The following CMSS1 variants were observed in gnomAD, a reference collection of about 807,000 sequenced individuals.
The protein encoded by CMSS1 is cms1 ribosomal small subunit homolog.
A neutral mutation model predicts 43.5 loss-of-function variants in CMSS1; 33 were observed. The ratio of observed to expected loss-of-function variants is 0.76; its 90% CI spans 0.57 to 1.01. CMSS1 has a LOEUF of 1.01. Ranked by LOEUF, CMSS1 falls within the 50% of genes least tolerant of loss-of-function variation. CMSS1 has a pLI of 0.00. For missense variants in CMSS1, 313 were observed against 326.4 expected (o/e 0.96, Z 0.32); for synonymous variants, 115 against 117.2 (o/e 0.98, Z 0.12).
At chr3:100,069,341 GAATA>G (rs1352401865) in intron 1 of CMSS1, among the ~76,000 whole-genome samples, 1 of 151,884 alleles carries the variant, frequency 6.6e-6, no homozygotes, top group Non-Finnish European at 1.5e-5. Context: ...TTAATTTCTT[GAATA>G]AATTACCTAA....
Position 99,843,271 on chromosome 3 carries a change from G to C in CMSS1, c.64+25228G>C, listed in dbSNP as rs144690300. ...AGAGAAACAGACCTTGTAGGTGTCA[G>C]ACAGCCTACTTTAGCTCAGCCAAAG... On this transcript the variant is annotated intron_variant, in intron 1 of 9. Coordinates refer to ENST00000421999, the MANE Select transcript of CMSS1 (RefSeq NM_032359.4). Among the ~76,000 whole-genome samples, 448 of 152,320 alleles carry C rather than the reference G, an allele frequency of 2.9e-3. 1 individual carries two copies. The highest frequency in any genetic ancestry group is 1.0e-2 in the African/African-American group (415 of 41,560).
intron 1 of CMSS1, among the ~76,000 whole-genome samples, chr3:100,084,145 T>C (rs969594200): frequency 6.6e-6 from 1 of 152,192 alleles, no homozygotes. Context: ...TTGCTGCATG[T>C]CTAGACTTCT....
chr3:100,139,797 C>CAA (rs34956600), intron 1 of CMSS1, among the ~76,000 whole-genome samples: 2 of 117,968 alleles, frequency 1.7e-5, no homozygotes, highest in Non-Finnish European at 1.8e-5. Context: ...AACTCCATCT[C>CAA]AAAAAAAAAA....
At chr3:100,109,560 G>A (rs1477941090) in intron 1 of CMSS1, among the ~76,000 whole-genome samples, 2 of 152,096 alleles carry the variant, frequency 1.3e-5, no homozygotes, top group African/African-American at 4.8e-5. Flanking sequence ...TTCCCACAAT[G>A]TTGTATAAAT....
intron 1 of CMSS1, among the ~76,000 whole-genome samples, chr3:99,983,464 G>GTA (rs1191587665): frequency 1.2e-3 from 15 of 12,684 alleles, no homozygotes; most frequent in Admixed American, 4.4e-3. Flanking sequence ...ATATATGTGT[G>GTA]TATATATATA....
chr3:100,093,251 G>A (rs893450900), intron 1 of CMSS1, among the ~76,000 whole-genome samples: 2 of 152,006 alleles, frequency 1.3e-5, no homozygotes, highest in Admixed American at 1.3e-4. Context: ...TTAGTTCTGT[G>A]TTTTTATAGC....
At chr3:100,015,355 G>A (rs186080748) in intron 1 of CMSS1, among the ~76,000 whole-genome samples, 126 of 152,150 alleles carry the variant, frequency 8.3e-4, no homozygotes, top group Admixed American at 1.3e-4. Flanking sequence ...CTTTTTGCTC[G>A]AGATTGGAGT....
rs753573359 is a variant in CMSS1 at position 100,172,362 on chromosome 3, G to A, written c.626G>A (p.Gly209Asp). 6.2e-7 allele frequency: 1 copy of A among 1,613,924 alleles called. No individual in the cohort carries two copies. The highest frequency in any genetic ancestry group is 2.2e-5 in the East Asian group (1 of 44,880). Residue 209 changes from glycine (G) to aspartate (D), a missense_variant, in exon 8 of 10, where the codon GGT becomes GAT. Physicochemically the swap from Gly to Asp is moderately conservative, Grantham distance 94 (BLOSUM62 -1). Coordinates refer to ENST00000421999, the MANE Select transcript of CMSS1 (RefSeq NM_032359.4). ...CTGGAGAAGCGTGTGGTGCACCTGG[G>A]TGTAGGAACTCCGGGGAGAATTAAA... ...KLLEKRVVHL[G>D]VGTPGRIKEL...
intron 1 of CMSS1, among the ~76,000 whole-genome samples, chr3:100,093,049 T>C (rs981977152): frequency 3.3e-5 from 5 of 152,228 alleles, no homozygotes; most frequent in Admixed American, 3.3e-4. Context: ...TAGAGGTTAC[T>C]AGATAACTGC....
At chr3:100,065,142 C>T (rs1221686416) in intron 1 of CMSS1, among the ~76,000 whole-genome samples, 2 of 152,118 alleles carry the variant, frequency 1.3e-5, no homozygotes, top group Non-Finnish European at 2.9e-5. Flanking sequence ...ATACACTGGG[C>T]AGTCTACTTA....
chr3:100,150,884 G>T (rs549952185), intron 2 of CMSS1, among the ~76,000 whole-genome samples: 4 of 152,174 alleles, frequency 2.6e-5, no homozygotes, highest in East Asian at 1.9e-4. Flanking sequence ...AGGATTTTTT[G>T]ACTTTTCCTT....
chr3:100,170,733 C>T (rs1048707187), intron 6 of CMSS1, among the ~76,000 whole-genome samples: 14 of 152,194 alleles, frequency 9.2e-5, no homozygotes, highest in African/African-American at 3.4e-4. Flanking sequence ...GAAAGGCAGG[C>T]ACGGCAGGTG....
At chr3:100,115,813 C>A (rs754361333) in intron 1 of CMSS1, among the ~76,000 whole-genome samples, 29 of 152,096 alleles carry the variant, frequency 1.9e-4, no homozygotes, top group Non-Finnish European at 8.8e-5. Flanking sequence ...AGATCCCATT[C>A]AACTTTTCAC....
At chr3:100,133,678 T>C (rs1020172958) in intron 1 of CMSS1, among the ~76,000 whole-genome samples, 1 of 152,220 alleles carries the variant, frequency 6.6e-6, no homozygotes, top group African/African-American at 2.4e-5. Flanking sequence ...CGTAAGACTT[T>C]AGGGTTGTGG....
intron 1 of CMSS1, among the ~76,000 whole-genome samples, chr3:99,959,482 A>G (rs1011422964): frequency 6.6e-6 from 1 of 152,168 alleles, no homozygotes; most frequent in Non-Finnish European, 1.5e-5. Flanking sequence ...TTTATTTTCT[A>G]TATAAATATT....
intron 1 of CMSS1, among the ~76,000 whole-genome samples, chr3:99,842,323 G>A (rs554858302): frequency 1.2e-4 from 18 of 152,234 alleles, no homozygotes; most frequent in African/African-American, 4.1e-4. Context: ...TGCACTCTGG[G>A]GACTCAGGGG....
intron 1 of CMSS1, among the ~76,000 whole-genome samples, chr3:99,847,319 T>C (rs1339066046): frequency 6.7e-6 from 1 of 150,324 alleles, no homozygotes; most frequent in Non-Finnish European, 1.5e-5. Context: ...GGGAACCCCA[T>C]AGGAAAAAGA....
chr3:100,139,725 A>T (rs867159199), intron 1 of CMSS1, among the ~76,000 whole-genome samples: 4 of 149,404 alleles, frequency 2.7e-5, no homozygotes, highest in Admixed American at 6.7e-5. Context: ...TGAACCCAGG[A>T]GGCGGAGGTT....
intron 1 of CMSS1, among the ~76,000 whole-genome samples, chr3:100,074,163 A>G (rs2065808789): frequency 6.6e-6 from 1 of 152,216 alleles, no homozygotes; most frequent in South Asian, 2.1e-4. Flanking sequence ...GTTGTCATTA[A>G]AGAAGAATCC....
Sources: allele counts gnomAD v4.1 joint callset (sites outside exome capture counted in the v4.1 genomes callset), GRCh38; gene constraint gnomAD v4.1.1; transcripts MANE v1.5; gene names NCBI Gene and HGNC (gene_info 2026-07-23, HGNC 2026-07-21).